MED12L: variants seen among roughly 807,000 people sequenced by gnomAD.
MED12L encodes the protein mediator complex subunit 12L.
A neutral mutation model predicts 281.3 loss-of-function variants in MED12L; 60 were observed. That is an observed-to-expected ratio of 0.21 (90% CI 0.17 to 0.26). The LOEUF is 0.26. Ranked by LOEUF, MED12L falls within the 10% of genes least tolerant of loss-of-function variation. The probability of loss-of-function intolerance (pLI) is 1.00; values close to 1 mark genes in which losing one functional copy is unlikely to be tolerated. For synonymous variants in MED12L, 974 were observed against 987.2 expected (o/e 0.99, Z 0.25); for missense variants, 2,146 against 2,680.9 (o/e 0.80, Z 4.41).
chr3:151,116,028 C>T (rs1438508862), intron 2 of MED12L, among the ~76,000 whole-genome samples: 1 of 138,406 alleles, frequency 7.2e-6, no homozygotes, highest in Non-Finnish European at 1.5e-5. Flanking sequence ...TGCGCCGCTG[C>T]ACTCCAGGCT....
intron 16 of MED12L, among the ~76,000 whole-genome samples, chr3:151,291,659 A>T (rs1744272900): frequency 6.6e-6 from 1 of 152,230 alleles, no homozygotes; most frequent in African/African-American, 2.4e-5. Context: ...TGAAAAAGCA[A>T]TCAAATGTAA....
intron 16 of MED12L, among the ~76,000 whole-genome samples, chr3:151,229,279 G>C (rs1731131607): frequency 6.6e-6 from 1 of 150,408 alleles, no homozygotes; most frequent in Non-Finnish European, 1.5e-5. Context: ...AACATACTGT[G>C]GTAATAACTT....
chr3:151,373,745 A>G (rs148840436), intron 27 of MED12L, among the ~76,000 whole-genome samples: 1 of 152,114 alleles, frequency 6.6e-6, no homozygotes. Flanking sequence ...TCATCCTATC[A>G]CATCATTTGA....
intron 38 of MED12L, 85 bp downstream of exon 38, chr3:151,390,220 C>A: frequency 1.5e-6 from 2 of 1,370,902 alleles, no homozygotes; most frequent in Non-Finnish European, 2.0e-6. Context: ...CTCCACAAAA[C>A]TTGGACATTT....
intron 31 of MED12L, 99 bp from the exon 32 acceptor site, chr3:151,380,014 T>A (rs1711965799): frequency 1.4e-6 from 1 of 721,008 alleles, no homozygotes; most frequent in African/African-American, 1.8e-5. Context: ...TTACCACCTC[T>A]CTTATTTATC....
intron 33 of MED12L, 121 bp from the exon 34 acceptor site, chr3:151,383,658 A>G (rs576341305): frequency 6.5e-5 from 41 of 630,434 alleles, no homozygotes; most frequent in African/African-American, 6.1e-4. Flanking sequence ...AAGGTAATCT[A>G]TAAACTAGAG....
chr3:151,129,472 A>G (rs1047099990), intron 5 of MED12L, among the ~76,000 whole-genome samples: 1 of 152,138 alleles, frequency 6.6e-6, no homozygotes, highest in African/African-American at 2.4e-5. Context: ...TATTATCTTT[A>G]TATTTCTCTG....
At chr3:151,303,106 T>G (rs902128674) in intron 16 of MED12L, among the ~76,000 whole-genome samples, 1 of 152,140 alleles carries the variant, frequency 6.6e-6, no homozygotes, top group African/African-American at 2.4e-5. Context: ...GGTGACAGCA[T>G]GTAGAGATGG....
At chr3:151,367,570 A>T in intron 23 of MED12L, 76 bp from the exon 24 acceptor site, 1 of 1,360,284 alleles carries the variant, frequency 7.4e-7, no homozygotes, top group South Asian at 1.5e-5. Context: ...TATTGCCTGC[A>T]TTCTCTTAGT....
rs1560163612 is a variant in MED12L at position 151,435,079 on chromosome 3, T to TTTTTTTTC, written c.*2278_*2279insTTTTCTTT. On this transcript the variant is annotated 3_prime_UTR_variant, in exon 45 of 45. Coordinates refer to ENST00000687756, the MANE Select transcript of MED12L (RefSeq NM_001393769.1). Reference sequence around the variant, plus strand: ...AGAGGTTTCTTTTTTTTTTTTTTTTTTTTCTTTTCTTGCAAATGCATTCTT... The same window carrying TTTTTTTTC: ...AGAGGTTTCTTTTTTTTTTTTTTTTTTTTTTTTCTTTCTTTTCTTGCAAATGCATTCTT... The TTTTTTTTC allele has an allele frequency of 1.3e-5, 2 of 148,394 alleles. No homozygotes were observed. Among genetic ancestry groups the TTTTTTTTC allele is most frequent in the African/African-American group, 2.5e-5 (1 of 40,216 alleles). The allele number at this position is 148,394 out of a possible 1,614,324, so 9.2% of individuals were successfully genotyped here. A position where few individuals can be genotyped will look rare whatever the true frequency, so the allele number is the denominator to read the frequency against.
chr3:151,270,411 A>G (rs1740719838), intron 16 of MED12L, among the ~76,000 whole-genome samples: 2 of 152,084 alleles, frequency 1.3e-5, no homozygotes, highest in African/African-American at 4.8e-5. Flanking sequence ...CAAAAACTGT[A>G]TGGATTTAAT....
At position 151,188,602 on chromosome 3, in the gene MED12L, T is replaced by A; in HGVS notation, c.1753+122T>A. ...CTTGGCACTGAATATAATGTATGTT[T>A]TACTGAGCAAAATTTTGTGGCATGT... On this transcript the variant is annotated intron_variant, in intron 13 of 44. Coordinates refer to ENST00000687756, the MANE Select transcript of MED12L (RefSeq NM_001393769.1). 4.2e-6 allele frequency: 4 copies of A among 961,222 alleles called. No homozygotes were observed. The South Asian group carries it at 9.5e-5, about 23-fold the overall frequency. 59.5% of individuals were successfully genotyped at this position (961,222 alleles called of 1,614,324 possible).
intron 16 of MED12L, among the ~76,000 whole-genome samples, chr3:151,236,719 C>G (rs1732895805): frequency 6.6e-6 from 1 of 152,112 alleles, no homozygotes; most frequent in Non-Finnish European, 1.5e-5. Flanking sequence ...TATGTAATCT[C>G]TTCATGATTT....
chr3:151,420,768 G>A (rs1718155732), intron 43 of MED12L, among the ~76,000 whole-genome samples: 1 of 152,216 alleles, frequency 6.6e-6, no homozygotes, highest in Admixed American at 6.5e-5. Context: ...TTCTTTAGCT[G>A]TAAAGTCAGT....
intron 43 of MED12L, among the ~76,000 whole-genome samples, chr3:151,426,986 T>C (rs1377799735): frequency 6.6e-6 from 1 of 152,036 alleles, no homozygotes. Flanking sequence ...CTGGCTAATT[T>C]TAGTAATTTT....
chr3:151,407,451 A>G (rs182835814), intron 39 of MED12L, among the ~76,000 whole-genome samples: 66 of 152,344 alleles, frequency 4.3e-4, no homozygotes, highest in African/African-American at 1.4e-3. Flanking sequence ...TTGTCTCTAC[A>G]AAGAAGCACA....
chr3:151,432,799 T>A lies in MED12L; in HGVS notation c.6538T>A (p.Phe2180Ile). 1.9e-6 allele frequency: 3 copies of A among 1,612,900 alleles called. No individual in the cohort carries two copies. The highest frequency in any genetic ancestry group is 2.5e-6 in the Non-Finnish European group (3 of 1,179,228). ...GVTPYGHPSH[F>I] is the part of the protein sequence containing the mutation. ...GACTCCGTATGGGCATCCTTCACACTTCTGAATCTGCAAGAGGAGAAGACA... is the reference window on the plus strand; with the variant it reads ...GACTCCGTATGGGCATCCTTCACACATCTGAATCTGCAAGAGGAGAAGACA... Residue 2180 changes from phenylalanine to isoleucine, a missense_variant, in exon 45 of 45, where the codon TTC becomes ATC. Coordinates refer to ENST00000687756, the MANE Select transcript of MED12L (RefSeq NM_001393769.1).
intron 16 of MED12L, among the ~76,000 whole-genome samples, chr3:151,349,224 G>T (rs1217728608): frequency 1.3e-5 from 2 of 151,852 alleles, no homozygotes; most frequent in Non-Finnish European, 2.9e-5. Flanking sequence ...CTTTCGTTAT[G>T]CTGTGACTAA....
At chr3:151,290,442 A>G (rs956823094) in intron 16 of MED12L, among the ~76,000 whole-genome samples, 2 of 152,170 alleles carry the variant, frequency 1.3e-5, no homozygotes, top group South Asian at 4.1e-4. Context: ...GAATCTTAGG[A>G]GTTTCTTGAT....
Sources: gnomAD v4.1 joint callset for allele counts (sites outside exome capture counted in the v4.1 genomes callset) on GRCh38, gnomAD v4.1.1 for gene constraint, MANE v1.5 for transcripts, NCBI Gene and HGNC (gene_info 2026-07-23, HGNC 2026-07-21) for gene names.